NME7: variants seen among roughly 807,000 people sequenced by gnomAD.
The protein encoded by NME7 is nucleoside diphosphate kinase 7.
In NME7, 41 loss-of-function variants were observed where a neutral mutation model predicts 49.1. That is an observed-to-expected ratio of 0.83 (90% CI 0.65 to 1.08). The LOEUF is 1.08. Ranked by LOEUF, NME7 falls within the 50% of genes least tolerant of loss-of-function variation. The pLI, the probability that NME7 is intolerant of heterozygous loss-of-function variation, is 0.00. For missense variants in NME7, 423 were observed against 463.4 expected (o/e 0.91, Z 0.80); for synonymous variants, 139 against 150.6 (o/e 0.92, Z 0.56).
At chr1:169,263,900 T>TATC (rs1649237732) in intron 7 of NME7, among the ~76,000 whole-genome samples, 1 of 133,400 alleles carries the variant, frequency 7.5e-6, no homozygotes, top group African/African-American at 2.5e-5. Context: ...ATAGTGTACC[T>TATC]ATCAGCAGAA....
At chr1:169,367,613 G>A (rs1653928456) in intron 1 of NME7, 95 bp downstream of exon 1, 1 of 1,396,938 alleles carries the variant, frequency 7.2e-7, no homozygotes, top group Non-Finnish European at 1.0e-6. Flanking sequence ...AGGTCGGGAG[G>A]ACCGGACAAC....
chr1:169,293,087 G>C (rs534048424), intron 6 of NME7, among the ~76,000 whole-genome samples: 1 of 152,098 alleles, frequency 6.6e-6, no homozygotes, highest in South Asian at 2.1e-4. Context: ...TGGAGACCAG[G>C]AGTTTGAGAC....
In NME7 at chr1:169,215,204, C is replaced by A. The variant is rs551425031; in HGVS notation, c.990+15514G>T. ...TCTCTCCTTGAAGTCAAGCTGCCTC[C>A]TTCTGACATCCAGCCATCATCTCTG... On this transcript the variant is annotated intron_variant, in intron 10 of 11. Coordinates refer to ENST00000367811, the MANE Select transcript of NME7 (RefSeq NM_013330.5). Among the ~76,000 whole-genome samples, 303 of 152,324 alleles carry A rather than the reference C, an allele frequency of 2.0e-3. 4 individuals carry two copies. The highest frequency in any genetic ancestry group is 7.1e-3 in the African/African-American group (294 of 41,576).
intron 1 of NME7, among the ~76,000 whole-genome samples, chr1:169,354,948 TTATA>T (rs544772865): frequency 1.8e-5 from 1 of 55,568 alleles, no homozygotes; most frequent in Non-Finnish European, 3.9e-5. Context: ...GTATTATATA[TTATA>T]TATGTTTATA....
intron 8 of NME7, among the ~76,000 whole-genome samples, chr1:169,237,169 T>C (rs1367747478): frequency 6.6e-6 from 1 of 151,988 alleles, no homozygotes; most frequent in Non-Finnish European, 1.5e-5. Context: ...AAAGACAGTC[T>C]TGAGAGAAAG....
At chr1:169,158,333 T>G (rs1271893468) in intron 11 of NME7, among the ~76,000 whole-genome samples, 2 of 152,232 alleles carry the variant, frequency 1.3e-5, no homozygotes, top group Non-Finnish European at 2.9e-5. Flanking sequence ...TACTGTAATA[T>G]TTCCTCATAC....
rs777071640 is a variant in NME7 at position 169,258,970 on chromosome 1, C to T, written c.755-21283G>A. Among the ~76,000 whole-genome samples the T allele has an allele frequency of 1.6e-4, 21 of 133,512 alleles. 8 individuals carry two copies. Among genetic ancestry groups the T allele is most frequent in the Non-Finnish European group, 3.0e-4 (17 of 56,878 alleles). 87.6% of individuals were successfully genotyped at this position (133,512 alleles called of 152,430 possible). ...TCCAAGTGATCCTGATGCACACTAA[C>T]GTTTCAGAACCATTACTGCGAGTAA... is the stretch of plus-strand genomic sequence containing the variant. On this transcript the variant is annotated intron_variant, in intron 7 of 11. Coordinates refer to ENST00000367811, the MANE Select transcript of NME7 (RefSeq NM_013330.5).
At chr1:169,165,106 A>G (rs571770703) in intron 11 of NME7, among the ~76,000 whole-genome samples, 2,512 of 152,298 alleles carry the variant, frequency 0.016, 37 homozygotes, top group Non-Finnish European at 0.026. Flanking sequence ...CATAAATACC[A>G]TAATTTATTC....
intron 10 of NME7, among the ~76,000 whole-genome samples, chr1:169,202,247 A>T (rs1346283039): frequency 2.0e-5 from 3 of 152,130 alleles, no homozygotes; most frequent in Non-Finnish European, 4.4e-5. Context: ...ATGGGGGCAG[A>T]TCCCTCATGA....
At chr1:169,216,241 A>G (rs763750474) in intron 10 of NME7, among the ~76,000 whole-genome samples, 1 of 152,220 alleles carries the variant, frequency 6.6e-6, no homozygotes, top group South Asian at 2.1e-4. Flanking sequence ...AGAGCTGTTC[A>G]CCAGAAAGAT....
At chr1:169,169,986 G>A (rs1382581723) in intron 10 of NME7, among the ~76,000 whole-genome samples, 1 of 152,114 alleles carries the variant, frequency 6.6e-6, no homozygotes, top group African/African-American at 2.4e-5. Flanking sequence ...GTTAGAGAGA[G>A]GCAAGGGAAT....
At chr1:169,342,997 GTATATATATATATATATGCATA>G (rs1652831392) in intron 1 of NME7, among the ~76,000 whole-genome samples, 1 of 44,232 alleles carries the variant, frequency 2.3e-5, no homozygotes, top group Admixed American at 2.8e-4. Context: ...ACTTGTATTA[GTATATATATATATATATGCATA>G]TATATATATA....
chr1:169,251,452 G>C (rs1327372994), intron 7 of NME7, among the ~76,000 whole-genome samples: 1 of 151,262 alleles, frequency 6.6e-6, no homozygotes, highest in Admixed American at 6.6e-5. Flanking sequence ...TATCATTTAA[G>C]TGGAGAATTT....
intron 1 of NME7, among the ~76,000 whole-genome samples, chr1:169,335,662 C>G (rs1652431222): frequency 6.8e-6 from 1 of 148,070 alleles, no homozygotes; most frequent in African/African-American, 2.5e-5. Flanking sequence ...CACATGTATC[C>G]TGATTTTTTT....
chr1:169,343,952 G>A (rs1169968296), intron 1 of NME7, among the ~76,000 whole-genome samples: 1 of 152,152 alleles, frequency 6.6e-6, no homozygotes, highest in Non-Finnish European at 1.5e-5. Context: ...CTGCAAAAAT[G>A]CCCACTGGGA....
chr1:169,192,200 G>A (rs1287190463), intron 10 of NME7, among the ~76,000 whole-genome samples: 1 of 152,120 alleles, frequency 6.6e-6, no homozygotes, highest in Non-Finnish European at 1.5e-5. Flanking sequence ...ACAATTAACG[G>A]CATAGGAGTT....
chr1:169,317,134 A>G (rs918082384), intron 3 of NME7, among the ~76,000 whole-genome samples: 1 of 152,216 alleles, frequency 6.6e-6, no homozygotes, highest in Admixed American at 6.5e-5. Context: ...AAAAAAACCT[A>G]TATGTTATTT....
chr1:169,135,303 A>G (rs976026812), intron 11 of NME7, among the ~76,000 whole-genome samples: 2 of 152,186 alleles, frequency 1.3e-5, no homozygotes, highest in African/African-American at 4.8e-5. Flanking sequence ...TCCAAATTAA[A>G]AACATTATCA....
intron 11 of NME7, among the ~76,000 whole-genome samples, chr1:169,167,469 T>C (rs1016998979): frequency 1.3e-5 from 2 of 152,120 alleles, no homozygotes; most frequent in African/African-American, 2.4e-5. Context: ...TTATTTCTTT[T>C]TAAATTTCAT....
Sources: gnomAD v4.1 joint callset for allele counts (sites outside exome capture counted in the v4.1 genomes callset) on GRCh38, gnomAD v4.1.1 for gene constraint, MANE v1.5 for transcripts, NCBI Gene and HGNC (gene_info 2026-07-23, HGNC 2026-07-21) for gene names.